PAQR3: variants seen among roughly 807,000 people sequenced by gnomAD.
PAQR3 encodes progestin and adipoQ receptor family member 3.
A neutral mutation model predicts 41.7 loss-of-function variants in PAQR3; 39 were observed. That is an observed-to-expected ratio of 0.93 (90% CI 0.72 to 1.22). The LOEUF (loss-of-function observed/expected upper bound fraction) is 1.22, where lower values mean the gene tolerates loss of function less well. Among genes scored for constraint, PAQR3 ranks in the 50% most tolerant of loss-of-function variants. PAQR3 has a pLI of 0.00. For synonymous variants in PAQR3, 140 were observed against 140.6 expected (o/e 1.00, Z 0.03); for missense variants, 366 against 385.6 (o/e 0.95, Z 0.42).
downstream of PAQR3, among the ~76,000 whole-genome samples, chr4:78,909,840 A>G (rs1275744641): frequency 6.6e-6 from 1 of 152,208 alleles, no homozygotes; most frequent in African/African-American, 2.4e-5. Flanking sequence ...TCACCAATGT[A>G]TAATCAGTGT....
In PAQR3 at chr4:78,915,603, CAG is replaced by C. The variant is rs897356184; in HGVS notation, c.*4934_*4935del. ...TAGTTTATTTGAGAACTTTTATACT[CAG>C]TGGTGTTTTATATATTAAGATAAAA... On this transcript the variant is annotated 3_prime_UTR_variant, in exon 6 of 6. Transcript: ENST00000512733. 3.3e-5 allele frequency: 5 copies of C among 151,814 alleles called. No homozygotes were observed. The highest frequency in any genetic ancestry group is 5.9e-5 in the Non-Finnish European group (4 of 67,868). The allele number at this position is 151,814 out of a possible 1,614,324, so 9.4% of individuals were successfully genotyped here.
chr4:78,926,716 G>A lies in PAQR3; in HGVS notation c.507C>T (p.Tyr169=), dbSNP rs765410119. The change falls in exon 4 of 6, where the codon TAC becomes TAT. Residue 169 remains tyrosine, a splice_region_variant and synonymous_variant. Transcript: ENST00000512733. ...CTGTGATCAAGTACACCTGACGCCA[G>A]TACTAGAATGAAAGGAAATCACATT... ...GVFYAFYCNN[Y]WRQVYLITVL... 1.2e-6 allele frequency: 2 copies of A among 1,612,122 alleles called. No homozygotes were observed. Among genetic ancestry groups the A allele is most frequent in the East Asian group, 4.5e-5 (2 of 44,848 alleles).
intron 2 of PAQR3, among the ~76,000 whole-genome samples, chr4:78,931,683 AGGGT>A (rs944182199): frequency 8.5e-5 from 13 of 152,192 alleles, no homozygotes; most frequent in African/African-American, 3.1e-4. Context: ...GTGCATTTGG[AGGGT>A]GGGACTGGTG....
rs993295988 is a variant in PAQR3 at position 78,917,087 on chromosome 4, A to G, written c.*3452T>C. The G allele has an allele frequency of 6.6e-6, 1 of 152,002 alleles. No homozygotes were observed. The allele number at this position is 152,002 out of a possible 1,614,324, so 9.4% of individuals were successfully genotyped here. A position where few individuals can be genotyped will look rare whatever the true frequency, so the allele number is the denominator to read the frequency against. On this transcript the variant is annotated 3_prime_UTR_variant, in exon 6 of 6. Coordinates refer to ENST00000512733, the MANE Select transcript of PAQR3 (RefSeq NM_001040202.2). ...ATTAACAAAGAATAGTTTGCAGTGT[A>G]TTACTGTTCAAATTCAGTTATAGTT...
chr4:78,911,090 T>G (rs1734570060), downstream of PAQR3: 3 of 1,613,892 alleles, frequency 1.9e-6, no homozygotes, highest in African/African-American at 4.0e-5. Context: ...GATGTTGCAG[T>G]GGAGACTCCC....
At chr4:78,911,499 C>T, downstream of PAQR3, 1 of 1,614,016 alleles carries the variant, frequency 6.2e-7, no homozygotes. Context: ...GCCAAAGGCG[C>T]ACAAAGCAGG....
At chr4:78,901,153 A>C (rs7674715) in intron 11 of PAQR3, among the ~76,000 whole-genome samples, 30,031 of 151,548 alleles carry the variant, frequency 0.2, 6,584 homozygotes, top group African/African-American at 0.54. Flanking sequence ...AAGCAATCCT[A>C]CTCTCTCAGC....
chr4:78,911,608 C>T, downstream of PAQR3: 2 of 1,613,830 alleles, frequency 1.2e-6, no homozygotes, highest in South Asian at 2.2e-5. Context: ...GGCTCGCAGG[C>T]ACAAAAAAGT....
chr4:78,937,401 T>C (rs1038573151), intron 1 of PAQR3, among the ~76,000 whole-genome samples: 1 of 152,224 alleles, frequency 6.6e-6, no homozygotes, highest in Non-Finnish European at 1.5e-5. Flanking sequence ...GGGTCTCTTC[T>C]TCCGTCTTTC....
chr4:78,887,122 G>T, downstream of PAQR3: 1 of 1,271,924 alleles, frequency 7.9e-7, no homozygotes, highest in Non-Finnish European at 1.1e-6. Context: ...TTAATTTAAA[G>T]ATCATTTTTA....
At chr4:78,894,704 A>C (rs995676260) in intron 11 of PAQR3, among the ~76,000 whole-genome samples, 1 of 152,112 alleles carries the variant, frequency 6.6e-6, no homozygotes, top group Non-Finnish European at 1.5e-5. Flanking sequence ...AATTTCCTTC[A>C]ATAATTTTTC....
intron 2 of PAQR3, among the ~76,000 whole-genome samples, chr4:78,932,165 T>C (rs1736969568): frequency 2.0e-5 from 3 of 152,212 alleles, no homozygotes. Context: ...TCAATATCAG[T>C]ATTCAATAAC....
At chr4:78,903,081 AT>A (rs1734096807) in intron 11 of PAQR3, among the ~76,000 whole-genome samples, 1 of 151,882 alleles carries the variant, frequency 6.6e-6, no homozygotes, top group African/African-American at 2.4e-5. Flanking sequence ...GATGTCTGAA[AT>A]TTTCCCACCA....
At position 78,912,122 on chromosome 4, in the gene PAQR3, A is replaced by G; in HGVS notation, c.*8417T>C. On this transcript the variant is annotated 3_prime_UTR_variant, in exon 6 of 6. Coordinates refer to ENST00000512733, the MANE Select transcript of PAQR3 (RefSeq NM_001040202.2). ...TTGAAAGAAAATTTGGTAGCTCTTT[A>G]TAGCATTCATTCTTAAAGATCAGTC... is the stretch of plus-strand genomic sequence containing the variant. 2 of 1,162,856 alleles carry G rather than the reference A, an allele frequency of 1.7e-6. No individual in the cohort carries two copies. Among genetic ancestry groups the G allele is most frequent in the Non-Finnish European group, 1.2e-6 (1 of 809,436 alleles). 72.0% of individuals were successfully genotyped at this position (1,162,856 alleles called of 1,614,324 possible).
At position 78,939,233 on chromosome 4, in the gene PAQR3, G is replaced by A. The variant is rs772147513; in HGVS notation, c.-9C>T. On this transcript the variant is annotated 5_prime_UTR_variant, in exon 1 of 6. Coordinates refer to ENST00000512733, the MANE Select transcript of PAQR3 (RefSeq NM_001040202.2). ...AGCAGCTTCTGATGCATCGTTCCCGGCCGCCGCCGCTCCCCGGCTCGGGAG... is the reference window on the plus strand; with the variant it reads ...AGCAGCTTCTGATGCATCGTTCCCGACCGCCGCCGCTCCCCGGCTCGGGAG... 10 of 1,574,678 alleles carry A rather than the reference G, an allele frequency of 6.4e-6. No homozygotes were observed. In the Admixed American group the frequency reaches 1.1e-4, roughly 17 times the overall value.
chr4:78,930,008 A>G (rs1736673068), intron 3 of PAQR3, among the ~76,000 whole-genome samples, 162 bp downstream of exon 3: 1 of 152,234 alleles, frequency 6.6e-6, no homozygotes, highest in Non-Finnish European at 1.5e-5. Context: ...CAGATGTTAG[A>G]GATGACAGGG....
At position 78,912,119 on chromosome 4, in the gene PAQR3, T is replaced by A; in HGVS notation, c.*8420A>T. Reference sequence around the variant, plus strand: ...AATTTGAAAGAAAATTTGGTAGCTCTTTATAGCATTCATTCTTAAAGATCA... The same window carrying A: ...AATTTGAAAGAAAATTTGGTAGCTCATTATAGCATTCATTCTTAAAGATCA... On this transcript the variant is annotated 3_prime_UTR_variant, in exon 6 of 6. Transcript: ENST00000512733. 1.7e-6 allele frequency: 2 copies of A among 1,186,158 alleles called. No homozygotes were observed. Among genetic ancestry groups the A allele is most frequent in the Non-Finnish European group, 2.4e-6 (2 of 830,528 alleles). The allele number at this position is 1,186,158 out of a possible 1,614,324, so 73.5% of individuals were successfully genotyped here. A position where few individuals can be genotyped will look rare whatever the true frequency, so the allele number is the denominator to read the frequency against.
chr4:78,936,552 G>A (rs760605560), intron 1 of PAQR3, among the ~76,000 whole-genome samples: 1 of 152,194 alleles, frequency 6.6e-6, no homozygotes, highest in Non-Finnish European at 1.5e-5. Context: ...AATACATGAT[G>A]TATATAGCAA....
At chr4:78,937,904 C>T (rs1737598954) in intron 1 of PAQR3, among the ~76,000 whole-genome samples, 1 of 152,224 alleles carries the variant, frequency 6.6e-6, no homozygotes, top group African/African-American at 2.4e-5. Context: ...TCCAGATCCA[C>T]AGCAGAACTC....
Sources: gnomAD v4.1 joint callset for allele counts (sites outside exome capture counted in the v4.1 genomes callset) on GRCh38, gnomAD v4.1.1 for gene constraint, MANE v1.5 for transcripts, NCBI Gene and HGNC (gene_info 2026-07-23, HGNC 2026-07-21) for gene names.